The following TOR3A variants were observed in gnomAD, a reference collection of about 807,000 sequenced individuals.
TOR3A encodes torsin family 3 member A.
In TOR3A, 44 loss-of-function variants were observed where a neutral mutation model predicts 42.1. That is an observed-to-expected ratio of 1.04 (90% confidence interval 0.82 to 1.34). The LOEUF is 1.34. TOR3A is among the 40% of genes most tolerant of loss of function. TOR3A has a pLI of 0.00. For missense variants in TOR3A, 521 were observed against 507.6 expected, an observed-to-expected ratio of 1.03 and a Z score of -0.25; for synonymous variants, 227 against 213.2, an observed-to-expected ratio of 1.06 and a Z score of -0.57.
At chr1:179,092,287 G>A (rs965851805) in intron 4 of TOR3A, among the ~76,000 whole-genome samples, 2 of 152,204 alleles carry the variant, frequency 1.3e-5, no homozygotes, top group East Asian at 1.9e-4. Flanking sequence ...GAGCAAAGAT[G>A]TGAGCTAATA....
chr1:179,086,028 A>G (rs1334557656), intron 3 of TOR3A, 135 bp downstream of exon 3: 1 of 1,026,988 alleles, frequency 9.7e-7, no homozygotes, highest in Non-Finnish European at 1.4e-6. Context: ...TGACAGAGCC[A>G]CTCCGTCCAC....
At chr1:179,089,258 T>C (rs1652515370) in intron 4 of TOR3A, among the ~76,000 whole-genome samples, 1 of 150,646 alleles carries the variant, frequency 6.6e-6, no homozygotes, top group African/African-American at 2.5e-5. Flanking sequence ...GAGGCAGAGG[T>C]TGCAGTGAGC....
At chr1:179,091,357 T>C (rs981676244) in intron 4 of TOR3A, among the ~76,000 whole-genome samples, 2 of 152,094 alleles carry the variant, frequency 1.3e-5, no homozygotes, top group African/African-American at 2.4e-5. Context: ...AGTGTCTGTC[T>C]AAAGGTAGAA....
Position 179,095,468 on chromosome 1 carries a change from C to G in TOR3A, c.*250C>G. The G allele has an allele frequency of 7.3e-7, 1 of 1,363,194 alleles. No homozygotes were observed. The allele number at this position is 1,363,194 out of a possible 1,614,324, so 84.4% of individuals were successfully genotyped here. ...GATTGCTGAATTCAAAAACAGAGCC[C>G]ATTCTTAAGATCACTTGGTGCCTTA... On this transcript the variant is annotated 3_prime_UTR_variant, in exon 6 of 6. Coordinates refer to ENST00000367627, the MANE Select transcript of TOR3A (RefSeq NM_022371.4).
rs961152513 is a variant in TOR3A, at chr1:179,082,109, C to T, written c.-20C>T. On this transcript the variant is annotated 5_prime_UTR_variant, in exon 1 of 6. Transcript: ENST00000367627. The stretch of plus-strand genomic sequence containing the variant: ...CTGGCTAGGCCGGCAGCCGGATGGT[C>T]CCGCAGCTCGGGGCCGGCCATGCTT... The T allele has an allele frequency of 5.5e-6, 8 of 1,458,958 alleles. No individual in the cohort carries two copies. Among genetic ancestry groups the T allele is most frequent in the Non-Finnish European group, 7.2e-6 (8 of 1,117,882 alleles). 90.4% of individuals were successfully genotyped at this position (1,458,958 alleles called of 1,614,324 possible). A position where few individuals can be genotyped will look rare whatever the true frequency, so the allele number is the denominator to read the frequency against.
chr1:179,095,426 A>AGATAGAT lies in TOR3A; in HGVS notation c.*209_*215dup, dbSNP rs1652715644. Reference sequence around the variant, plus strand: ...TTTCTTTTTTTTGGAGGTCCCACCGAGATAGATAGGAACTTGGATTGCTGA... The same window carrying AGATAGAT: ...TTTCTTTTTTTTGGAGGTCCCACCGAGATAGATGATAGATAGGAACTTGGATTGCTGA... On this transcript the variant is annotated 3_prime_UTR_variant, in exon 6 of 6. Coordinates refer to ENST00000367627, the MANE Select transcript of TOR3A (RefSeq NM_022371.4). 1.4e-6 allele frequency: 2 copies of AGATAGAT among 1,385,808 alleles called. No homozygotes were observed. Among genetic ancestry groups the AGATAGAT allele is most frequent in the Non-Finnish European group, 1.9e-6 (2 of 1,074,730 alleles). The allele number at this position is 1,385,808 out of a possible 1,614,324, so 85.8% of individuals were successfully genotyped here. A position where few individuals can be genotyped will look rare whatever the true frequency, so the allele number is the denominator to read the frequency against.
chr1:179,082,268 G>A lies in TOR3A; in HGVS notation c.140G>A (p.Arg47His). 6.4e-7 allele frequency: 1 copy of A among 1,561,008 alleles called. No homozygotes were observed. The highest frequency in any genetic ancestry group is 2.5e-5 in the East Asian group (1 of 40,376). ...GCCTGGGCCTGGCCGGGCTTCCAGC[G>A]CCTGCAGGAGCAGCTCAGGGCGGCG... The part of the protein sequence containing the change: ...GSAWAWPGFQ[R>H]LQEQLRAAGA... Residue 47 changes from arginine (R) to histidine (H), a missense_variant, in exon 1 of 6, where the codon CGC (arginine) becomes CAC (histidine). Transcript: ENST00000367627.
At chr1:179,089,607 TCTC>T (rs1311736340) in intron 4 of TOR3A, among the ~76,000 whole-genome samples, 3 of 152,278 alleles carry the variant, frequency 2.0e-5, no homozygotes, top group East Asian at 1.9e-4. Context: ...CGGGCTCACC[TCTC>T]CTCCTGTTAC....
At chr1:179,092,982 G>A (rs1220221554) in intron 4 of TOR3A, among the ~76,000 whole-genome samples, 1 of 152,208 alleles carries the variant, frequency 6.6e-6, no homozygotes, top group Admixed American at 6.5e-5. Context: ...TCCAATCTGG[G>A]TGACAGAATG....
rs760668881 is a variant in TOR3A at position 179,083,064 on chromosome 1, G to C, written c.373+11G>C. ...CCAACAACTTTACAGGTTGGACCCC[G>C]CATGGCTTCAAGGGGCTAGGGATCT... On this transcript the variant is annotated intron_variant, in intron 2 of 5. Coordinates refer to ENST00000367627, the MANE Select transcript of TOR3A (RefSeq NM_022371.4). 4.7e-6 allele frequency: 7 copies of C among 1,479,552 alleles called. No individual in the cohort carries two copies. The highest frequency in any genetic ancestry group is 1.8e-4 in the Middle Eastern group (1 of 5,610). The allele number at this position is 1,479,552 out of a possible 1,614,324, so 91.7% of individuals were successfully genotyped here.
chr1:179,085,441 A>G (rs1652403528), intron 2 of TOR3A, 187 bp from the exon 3 acceptor site: 6 of 690,810 alleles, frequency 8.7e-6, no homozygotes, highest in Non-Finnish European at 1.3e-5. Flanking sequence ...AAAAAAAAAG[A>G]AAGTAGTCCT....
chr1:179,082,375 ACGGGGCCCCTGGGTAAGACCC>A lies in TOR3A; in HGVS notation c.250_259+11del, dbSNP rs1357127417. On this transcript the variant is annotated splice_donor_variant and splice_donor_5th_base_variant and coding_sequence_variant and intron_variant, in exon 1 of 6. Coordinates refer to ENST00000367627, the MANE Select transcript of TOR3A (RefSeq NM_022371.4). LOFTEE classifies it high-confidence loss of function. ...CTGTGACGAGGACGAGGAGGCAGCC[ACGGGGCCCCTGGGTAAGACCC>A]CGTCCCCACGGTCCGCCGTTCGCTG... 4 of 1,605,668 alleles carry A rather than the reference ACGGGGCCCCTGGGTAAGACCC, an allele frequency of 2.5e-6. No homozygotes were observed. The African/African-American group carries it at 5.4e-5, about 22-fold the overall frequency.
chr1:179,088,903 A>C (rs1652504494), intron 4 of TOR3A, among the ~76,000 whole-genome samples: 1 of 152,160 alleles, frequency 6.6e-6, no homozygotes, highest in South Asian at 2.1e-4. Context: ...CCTCGGTAGG[A>C]GTCAAACTGA....
intron 1 of TOR3A, 133 bp downstream of exon 1, chr1:179,082,520 G>T: frequency 7.4e-7 from 1 of 1,347,052 alleles, no homozygotes; most frequent in Non-Finnish European, 9.9e-7. Flanking sequence ...GCCGGTACCG[G>T]CTGTGGGCGG....
chr1:179,085,889 A>C lies in TOR3A; in HGVS notation c.635A>C (p.Tyr212Ser). Residue 212 changes from tyrosine to serine, a missense_variant, in exon 3 of 6, where the codon TAC becomes TCC. Tyr to Ser is a moderately radical substitution (Grantham distance 144). Coordinates refer to ENST00000367627, the MANE Select transcript of TOR3A (RefSeq NM_022371.4). ...HFPHPKYVDL[Y>S]KEQLMSQIRE... is the part of the protein sequence containing the mutation. ...CCTCACCCCAAATATGTGGACCTGT[A>C]CAAGGTGAGGCCGACCAGGGCTGGG... 1 of 1,613,472 alleles carries C rather than the reference A, an allele frequency of 6.2e-7. No homozygotes were observed. The highest frequency in any genetic ancestry group is 8.5e-7 in the Non-Finnish European group (1 of 1,179,696).
chr1:179,092,174 C>T (rs2102546120), intron 4 of TOR3A, among the ~76,000 whole-genome samples: 1 of 152,340 alleles, frequency 6.6e-6, no homozygotes, highest in East Asian at 1.9e-4. Context: ...GCCTTAGCCT[C>T]TACGCAATGG....
At position 179,082,294 on chromosome 1, in the gene TOR3A, G is replaced by C. The variant is rs1257363620; in HGVS notation, c.166G>C (p.Gly56Arg). ...QRLQEQLRAA[G>R]ALSKRYWTLF... ...CCTGCAGGAGCAGCTCAGGGCGGCG[G>C]GTGCCCTCTCCAAGCGGTACTGGAC... Residue 56 changes from glycine (G) to arginine (R), a missense_variant, in exon 1 of 6, where the codon GGT becomes CGT. Transcript: ENST00000367627. 8 of 1,585,908 alleles carry C rather than the reference G, an allele frequency of 5.0e-6. No homozygotes were observed. The highest frequency in any genetic ancestry group is 6.8e-6 in the Non-Finnish European group (8 of 1,170,788).
In TOR3A at chr1:179,082,320, G is replaced by A. The variant is rs769281472; in HGVS notation, c.192G>A (p.Thr64=). 3 of 1,603,262 alleles carry A rather than the reference G, an allele frequency of 1.9e-6. No homozygotes were observed. Among genetic ancestry groups the A allele is most frequent in the East Asian group, 4.6e-5 (2 of 43,706 alleles). The stretch of plus-strand genomic sequence containing the variant: ...GTGCCCTCTCCAAGCGGTACTGGAC[G>A]CTCTTCAGCTGCCAGGTGTGGCCCG... ...AAGALSKRYW[T]LFSCQVWPDD... The change falls in exon 1 of 6, where the codon ACG becomes ACA. Residue 64 remains threonine (T), a synonymous_variant. Transcript: ENST00000367627.
Position 179,087,961 on chromosome 1 carries a change from C to A in TOR3A, c.690C>A (p.Thr230=), listed in dbSNP as rs138931724. The A allele has an allele frequency of 2.7e-4, 443 of 1,611,942 alleles. No homozygotes were observed. Among genetic ancestry groups the A allele is most frequent in the Non-Finnish European group, 3.6e-4 (429 of 1,179,082 alleles). The change falls in exon 4 of 6, where the codon ACC becomes ACA. Residue 230 remains threonine (T), a synonymous_variant. Coordinates refer to ENST00000367627, the MANE Select transcript of TOR3A (RefSeq NM_022371.4). The part of the protein sequence containing the change: ...IRETQQLCHQ[T]LFIFDEAEKL... ...AGACGCAGCAGCTCTGCCACCAGAC[C>A]CTGTTCATCTTCGATGAAGCGGAGA...
Sources: allele counts gnomAD v4.1 joint callset (sites outside exome capture counted in the v4.1 genomes callset), GRCh38; gene constraint gnomAD v4.1.1; transcripts MANE v1.5; gene names NCBI Gene and HGNC (gene_info 2026-07-23, HGNC 2026-07-21).